Variants in PPP3CC observed in about 807,000 individuals in gnomAD.
The protein encoded by PPP3CC is protein phosphatase 3 catalytic subunit gamma, also known as serine/threonine-protein phosphatase 2B catalytic subunit gamma isoform.
A neutral mutation model predicts 60.3 loss-of-function variants in PPP3CC; 35 were observed. The ratio of observed to expected loss-of-function variants is 0.58; its 90% CI spans 0.44 to 0.77. The LOEUF (loss-of-function observed/expected upper bound fraction) is 0.77, where lower values mean the gene tolerates loss of function less well. Ranked by LOEUF, PPP3CC falls within the 30% of genes least tolerant of loss-of-function variation. The probability of loss-of-function intolerance (pLI) is 0.00; values close to 1 mark genes in which losing one functional copy is unlikely to be tolerated. For missense variants in PPP3CC, 570 were observed against 628.9 expected (o/e 0.91, Z 1.00); for synonymous variants, 206 against 224.3 (o/e 0.92, Z 0.73).
chr8:22,533,897 G>T (rs1326595825), intron 12 of PPP3CC, among the ~76,000 whole-genome samples: 1 of 151,354 alleles, frequency 6.6e-6, no homozygotes, highest in Admixed American at 6.6e-5. Flanking sequence ...CTAGGAAATA[G>T]ATATTAAAAC....
chr8:22,484,305 G>A (rs1838159492), intron 3 of PPP3CC, among the ~76,000 whole-genome samples: 1 of 151,986 alleles, frequency 6.6e-6, no homozygotes, highest in Admixed American at 6.6e-5. Flanking sequence ...CTGACTATAT[G>A]AGATTTTATT....
At chr8:22,459,579 G>A (rs1350782326) in intron 1 of PPP3CC, among the ~76,000 whole-genome samples, 1 of 152,052 alleles carries the variant, frequency 6.6e-6, no homozygotes, top group African/African-American at 2.4e-5. Flanking sequence ...CACATGTTAT[G>A]CCTACATTGT....
At chr8:22,528,611 A>G (rs1310862962) in intron 10 of PPP3CC, 34 bp downstream of exon 10, 4 of 1,442,710 alleles carry the variant, frequency 2.8e-6, no homozygotes, top group Non-Finnish European at 3.7e-6. Flanking sequence ...AAAACTAGAA[A>G]GAGGTTTGGT....
intron 1 of PPP3CC, among the ~76,000 whole-genome samples, chr8:22,452,336 G>C (rs771306470): frequency 5.9e-5 from 9 of 152,112 alleles, no homozygotes; most frequent in Non-Finnish European, 1.2e-4. Flanking sequence ...GCCTGGCCCT[G>C]CGTAGAATCT....
intron 1 of PPP3CC, among the ~76,000 whole-genome samples, chr8:22,454,448 TG>T (rs1457128856): frequency 6.6e-6 from 1 of 152,188 alleles, no homozygotes; most frequent in African/African-American, 2.4e-5. Flanking sequence ...ACCTTTTTTT[TG>T]TTGTTTTTGT....
chr8:22,492,504 G>A (rs1485034659), intron 3 of PPP3CC: 1 of 285,410 alleles, frequency 3.5e-6, no homozygotes, highest in Non-Finnish European at 6.5e-6. Flanking sequence ...TTAATTTTGA[G>A]CTGCCATCTT....
At chr8:22,468,301 C>G (rs1837610193) in intron 1 of PPP3CC, among the ~76,000 whole-genome samples, 1 of 152,034 alleles carries the variant, frequency 6.6e-6, no homozygotes, top group African/African-American at 2.4e-5. Context: ...GCAAGAGTGT[C>G]ACCATGTTGG....
At chr8:22,467,056 A>C (rs1440268633) in intron 1 of PPP3CC, among the ~76,000 whole-genome samples, 1 of 152,210 alleles carries the variant, frequency 6.6e-6, no homozygotes. Context: ...GGTTGCAGCC[A>C]GTTTTGGAAA....
At chr8:22,490,502 T>A (rs2132497672) in intron 3 of PPP3CC, among the ~76,000 whole-genome samples, 1 of 152,322 alleles carries the variant, frequency 6.6e-6, no homozygotes, top group East Asian at 1.9e-4. Flanking sequence ...GTGCACAACG[T>A]GCAGGTTTGT....
At position 22,527,854 on chromosome 8, in the gene PPP3CC, C is replaced by G. The variant is rs148175362; in HGVS notation, c.1069+337C>G. On this transcript the variant is annotated intron_variant, in intron 9 of 13. Transcript: ENST00000240139. Reference sequence around the variant, plus strand: ...TTCACCATATTGGCCAGGCTGGTCTCAAACTCCTGACCTTAAGTGATCCGC... The same window carrying G: ...TTCACCATATTGGCCAGGCTGGTCTGAAACTCCTGACCTTAAGTGATCCGC... Among the ~76,000 whole-genome samples, 188 of 152,252 alleles carry G rather than the reference C, an allele frequency of 1.2e-3. 1 individual carries two copies. The highest frequency in any genetic ancestry group is 4.3e-3 in the African/African-American group (178 of 41,548).
intron 1 of PPP3CC, among the ~76,000 whole-genome samples, chr8:22,447,879 T>C (rs1384031720): frequency 6.6e-6 from 1 of 152,164 alleles, no homozygotes. Context: ...ATCTTTAAAT[T>C]GGGCACAGAA....
intron 3 of PPP3CC, among the ~76,000 whole-genome samples, chr8:22,480,709 T>A (rs996140971): frequency 1.1e-4 from 17 of 151,982 alleles, no homozygotes; most frequent in Non-Finnish European, 1.6e-4. Context: ...CAACTCCTGA[T>A]CTCAGGTGAT....
intron 3 of PPP3CC, among the ~76,000 whole-genome samples, chr8:22,491,226 T>C (rs1262758033): frequency 6.6e-6 from 1 of 152,192 alleles, no homozygotes; most frequent in Non-Finnish European, 1.5e-5. Flanking sequence ...GGTGTATGCA[T>C]TCATACTTGA....
At chr8:22,534,448 T>A (rs942893039) in intron 12 of PPP3CC, among the ~76,000 whole-genome samples, 1 of 150,664 alleles carries the variant, frequency 6.6e-6, no homozygotes, top group African/African-American at 2.4e-5. Context: ...AGTCTGACAA[T>A]ACCAAGTATT....
At chr8:22,536,125 T>G (rs1180267587) in intron 12 of PPP3CC, among the ~76,000 whole-genome samples, 1 of 152,264 alleles carries the variant, frequency 6.6e-6, no homozygotes, top group Non-Finnish European at 1.5e-5. Context: ...GTCTGAACAT[T>G]TTCTCTTTGG....
intron 6 of PPP3CC, among the ~76,000 whole-genome samples, chr8:22,516,553 G>T (rs948149255): frequency 1.3e-5 from 2 of 152,150 alleles, no homozygotes; most frequent in African/African-American, 4.8e-5. Context: ...ACCCAAATCA[G>T]TACTTACAGA....
At chr8:22,537,021 C>G (rs1192666528) in intron 12 of PPP3CC, among the ~76,000 whole-genome samples, 1 of 152,044 alleles carries the variant, frequency 6.6e-6, no homozygotes, top group Non-Finnish European at 1.5e-5. Context: ...GTGGGGAAAG[C>G]CAAGGACAGG....
At chr8:22,514,668 GTTGT>G (rs1839191246) in intron 6 of PPP3CC, among the ~76,000 whole-genome samples, 1 of 133,950 alleles carries the variant, frequency 7.5e-6, no homozygotes, top group African/African-American at 2.8e-5. Flanking sequence ...TTTATTTTTT[GTTGT>G]TTTTTTTTTC....
At chr8:22,504,684 C>T (rs1301677651) in intron 4 of PPP3CC, among the ~76,000 whole-genome samples, 1 of 151,920 alleles carries the variant, frequency 6.6e-6, no homozygotes, top group Non-Finnish European at 1.5e-5. Context: ...AACATAGTGC[C>T]TGCCTCCCTC....
Sources: allele counts gnomAD v4.1 joint callset (sites outside exome capture counted in the v4.1 genomes callset), GRCh38; gene constraint gnomAD v4.1.1; transcripts MANE v1.5; gene names NCBI Gene and HGNC (gene_info 2026-07-23, HGNC 2026-07-21).